Variants in DYNC2H1 observed in about 807,000 individuals in gnomAD.
DYNC2H1 encodes the protein cytoplasmic dynein 2 heavy chain 1.
A neutral mutation model predicts 570.0 loss-of-function variants in DYNC2H1; 410 were observed. The observed-to-expected ratio is 0.72, with a 90% CI of 0.66 to 0.78. The LOEUF (loss-of-function observed/expected upper bound fraction) is 0.78. DYNC2H1 is among the 30% of genes least tolerant of loss of function. The pLI is 0.00. For missense variants in DYNC2H1, 4,865 were observed against 5,046.4 expected (o/e 0.96, Z 1.09); for synonymous variants, 1,688 against 1,677.6 (o/e 1.01, Z -0.15).
intron 84 of DYNC2H1, among the ~76,000 whole-genome samples, chr11:103,431,925 C>T (rs943061086): frequency 3.3e-5 from 5 of 152,074 alleles, no homozygotes; most frequent in Non-Finnish European, 7.4e-5. Flanking sequence ...TTTCTGTTGA[C>T]GAATGCTGGC....
intron 75 of DYNC2H1, among the ~76,000 whole-genome samples, chr11:103,292,639 C>G (rs768027074): frequency 2.0e-4 from 30 of 152,156 alleles, no homozygotes; most frequent in Non-Finnish European, 3.8e-4. Flanking sequence ...GGGGCAGATC[C>G]CTTGTGGCTT....
intron 20 of DYNC2H1, among the ~76,000 whole-genome samples, chr11:103,150,892 A>G (rs547507094): frequency 6.6e-6 from 1 of 152,308 alleles, no homozygotes; most frequent in South Asian, 2.1e-4. Context: ...TGAGGTAGGA[A>G]GTGACATGAG....
chr11:103,267,248 C>T (rs1865546748), intron 70 of DYNC2H1, among the ~76,000 whole-genome samples: 2 of 151,708 alleles, frequency 1.3e-5, no homozygotes, highest in Admixed American at 6.6e-5. Context: ...CTCCTTCAAC[C>T]GAGCTTCTGT....
In DYNC2H1 at chr11:103,181,257, C is replaced by G. The variant is rs965715521; in HGVS notation, c.6348-500C>G. 6.6e-6 allele frequency among the ~76,000 whole-genome samples: 1 copy of G among 151,504 alleles called. No individual in the cohort carries two copies. Among genetic ancestry groups the G allele is most frequent in the Non-Finnish European group, 1.5e-5 (1 of 67,632 alleles). ...AAAGTGTTTCTAAAGATCTGTATTA[C>G]AGTTTAGATCAGTGCATTTTAAACT... On this transcript the variant is annotated intron_variant, in intron 39 of 88. Coordinates refer to ENST00000375735, the MANE Select transcript of DYNC2H1 (RefSeq NM_001377.3). The surrounding 1 kb of genome is among the most constrained non-coding windows in gnomAD (Gnocchi z 5.0).
chr11:103,184,871 T>C (rs1862003075), intron 40 of DYNC2H1, 25 bp from the exon 41 acceptor site: 5 of 1,608,650 alleles, frequency 3.1e-6, no homozygotes, highest in Non-Finnish European at 3.4e-6. Flanking sequence ...TTTTGTCTGT[T>C]TGTATCACGG....
At chr11:103,358,492 C>T in intron 83 of DYNC2H1, 133 bp downstream of exon 83, 2 of 578,502 alleles carry the variant, frequency 3.5e-6, no homozygotes, top group Non-Finnish European at 6.1e-6. Flanking sequence ...TGGCCCATGA[C>T]CTCCTTTCTT....
intron 84 of DYNC2H1, among the ~76,000 whole-genome samples, chr11:103,412,540 G>GTATTGATTAAT (rs2135691025): frequency 6.6e-6 from 1 of 152,172 alleles, no homozygotes; most frequent in South Asian, 2.1e-4. Flanking sequence ...TTAATAGGTT[G>GTATTGATTAAT]TATTGATTAA....
At chr11:103,146,356 T>C (rs1054374175) in intron 18 of DYNC2H1, among the ~76,000 whole-genome samples, 2 of 152,218 alleles carry the variant, frequency 1.3e-5, no homozygotes, top group African/African-American at 4.8e-5. Context: ...GAGATTTTCC[T>C]CAGATGACTG....
rs186591563 is a variant in DYNC2H1, at chr11:103,430,367, G to A, written c.12367-5576G>A. On this transcript the variant is annotated intron_variant, in intron 84 of 88. Transcript: ENST00000375735. ...AAAAGTCTTAATGTAGATAAAATGC[G>A]TATAACAGTGCCTGTACATATAAGT... Among the ~76,000 whole-genome samples, 33 of 152,138 alleles carry A rather than the reference G, an allele frequency of 2.2e-4. No homozygotes were observed. The East Asian group carries it at 4.6e-3, about 21-fold the overall frequency.
At position 103,254,436 on chromosome 11, in the gene DYNC2H1, C is replaced by T. The variant is rs1864962259; in HGVS notation, c.10207-979C>T. ...TTAGTATTCAGAGTTAACAATTTGACATAGCATTTTTCAACAGCTTCACAG... is the reference window on the plus strand; with the variant it reads ...TTAGTATTCAGAGTTAACAATTTGATATAGCATTTTTCAACAGCTTCACAG... On this transcript the variant is annotated intron_variant, in intron 66 of 88. Coordinates refer to ENST00000375735, the MANE Select transcript of DYNC2H1 (RefSeq NM_001377.3). The surrounding 1 kb of genome is among the most constrained non-coding windows in gnomAD (Gnocchi z 4.9). Among the ~76,000 whole-genome samples the T allele has an allele frequency of 6.6e-6, 1 of 152,192 alleles. No homozygotes were observed. The highest frequency in any genetic ancestry group is 1.5e-5 in the Non-Finnish European group (1 of 68,024).
chr11:103,422,873 A>G (rs575002235), intron 84 of DYNC2H1, among the ~76,000 whole-genome samples: 1 of 152,308 alleles, frequency 6.6e-6, no homozygotes, highest in South Asian at 2.1e-4. Context: ...ATGGTACTCA[A>G]ATAGGAAGAG....
chr11:103,287,719 A>G, intron 75 of DYNC2H1, 114 bp downstream of exon 75: 1 of 846,152 alleles, frequency 1.2e-6, no homozygotes, highest in Non-Finnish European at 1.8e-6. Flanking sequence ...TCTTTTATTC[A>G]TTCTGTTTAT....
intron 83 of DYNC2H1, among the ~76,000 whole-genome samples, chr11:103,389,488 T>C (rs1942039601): frequency 6.6e-6 from 1 of 152,146 alleles, no homozygotes; most frequent in Non-Finnish European, 1.5e-5. Flanking sequence ...TTTTTGTGTC[T>C]CTATTTCCTT....
chr11:103,415,196 C>T (rs1039416643), intron 84 of DYNC2H1, among the ~76,000 whole-genome samples: 1 of 152,062 alleles, frequency 6.6e-6, no homozygotes, highest in Admixed American at 6.5e-5. Flanking sequence ...AATGTTAGAC[C>T]TCAAACCATA....
chr11:103,323,436 T>C (rs12272844), intron 81 of DYNC2H1, among the ~76,000 whole-genome samples: 4,679 of 146,074 alleles, frequency 0.032, 236 homozygotes, highest in African/African-American at 0.11. Flanking sequence ...TTCTCTAAGT[T>C]AAAAAGAAAC....
At chr11:103,329,361 T>C (rs1453897286) in intron 82 of DYNC2H1, among the ~76,000 whole-genome samples, 1 of 151,696 alleles carries the variant, frequency 6.6e-6, no homozygotes, top group Non-Finnish European at 1.5e-5. Context: ...TATAAGGAAT[T>C]GGGCATTATT....
chr11:103,285,796 A>G (rs897008601), intron 73 of DYNC2H1, among the ~76,000 whole-genome samples: 4 of 152,158 alleles, frequency 2.6e-5, no homozygotes, highest in Admixed American at 2.6e-4. Context: ...TTCTTATTAA[A>G]ATAGGATACA....
At position 103,199,722 on chromosome 11, in the gene DYNC2H1, A is replaced by G. The variant is rs1490068003; in HGVS notation, c.8088+246A>G. On this transcript the variant is annotated intron_variant, in intron 49 of 88. Coordinates refer to ENST00000375735, the MANE Select transcript of DYNC2H1 (RefSeq NM_001377.3). This position sits in a 1 kb window ranked among gnomAD's most constrained non-coding sequence, Gnocchi z 4.6. ...TACTATTAGAATTTCTAGGAAGCAG[A>G]TACTCCAGGTCATGGGATGTTAGAC... 2.0e-5 allele frequency among the ~76,000 whole-genome samples: 3 copies of G among 152,146 alleles called. No homozygotes were observed. Among genetic ancestry groups the G allele is most frequent in the African/African-American group, 7.2e-5 (3 of 41,442 alleles).
intron 82 of DYNC2H1, among the ~76,000 whole-genome samples, chr11:103,351,858 A>G (rs75150794): frequency 0.013 from 1,988 of 152,264 alleles, 45 homozygotes; most frequent in African/African-American, 0.045. Context: ...AGAACTTAAC[A>G]TGTAAACTGT....
Sources: gnomAD v4.1 joint callset for allele counts (sites outside exome capture counted in the v4.1 genomes callset) on GRCh38, gnomAD v4.1.1 for gene constraint, Gnocchi (gnomAD v3.1) non-coding constraint, MANE v1.5 for transcripts, NCBI Gene and HGNC (gene_info 2026-07-23, HGNC 2026-07-21) for gene names.